The following NECAB1 variants were observed in gnomAD, a reference collection of about 807,000 sequenced individuals.
The protein encoded by NECAB1 is N-terminal EF-hand calcium-binding protein 1.
NECAB1 carries 29 observed loss-of-function variants against 57.5 expected under a neutral mutation model. The observed-to-expected ratio is 0.50, with a 90% confidence interval of 0.38 to 0.69. The LOEUF (loss-of-function observed/expected upper bound fraction) is 0.69. Ranked by LOEUF, NECAB1 falls within the 30% of genes least tolerant of loss-of-function variation. The pLI, the probability that NECAB1 is intolerant of heterozygous loss-of-function variation, is 0.00. For synonymous variants in NECAB1, 142 were observed against 147.7 expected, an observed-to-expected ratio of 0.96 and a Z score of 0.28; for missense variants, 372 against 413.8, an observed-to-expected ratio of 0.90 and a Z score of 0.88.
In NECAB1 at chr8:90,791,791, C is replaced by G; in HGVS notation, c.-96C>G. Reference sequence around the variant, plus strand: ...GCGAACACCCTCCCGGATCCAGAGCCCGGCGGCGGCGAAGCAGCAGCTGCG... The same window carrying G: ...GCGAACACCCTCCCGGATCCAGAGCGCGGCGGCGGCGAAGCAGCAGCTGCG... On this transcript the variant is annotated 5_prime_UTR_variant, in exon 1 of 13. Transcript: ENST00000417640. 2 of 959,842 alleles carry G rather than the reference C, an allele frequency of 2.1e-6. No individual in the cohort carries two copies. The highest frequency in any genetic ancestry group is 3.1e-6 in the Non-Finnish European group (2 of 637,956). 59.5% of individuals were successfully genotyped at this position (959,842 alleles called of 1,614,324 possible). A position where few individuals can be genotyped will look rare whatever the true frequency, so the allele number is the denominator to read the frequency against.
At chr8:90,879,438 C>G (rs994376016) in intron 4 of NECAB1, among the ~76,000 whole-genome samples, 20 of 152,106 alleles carry the variant, frequency 1.3e-4, no homozygotes, top group African/African-American at 4.6e-4. Context: ...CACGAGCCTC[C>G]ATGCCCAACC....
chr8:90,877,385 G>A (rs997885829), intron 4 of NECAB1, among the ~76,000 whole-genome samples: 3 of 151,988 alleles, frequency 2.0e-5, no homozygotes, highest in African/African-American at 7.3e-5. Context: ...TCCTTTCCAT[G>A]GCTTCCCATT....
chr8:90,908,193 TC>T (rs1279100126), intron 5 of NECAB1, among the ~76,000 whole-genome samples: 6 of 152,324 alleles, frequency 3.9e-5, no homozygotes, highest in Admixed American at 1.3e-4. Context: ...ATGAGTGTTA[TC>T]CTTTGAGTAT....
chr8:90,912,628 A>T (rs1256954087), intron 5 of NECAB1, among the ~76,000 whole-genome samples: 1 of 152,074 alleles, frequency 6.6e-6, no homozygotes, highest in African/African-American at 2.4e-5. Context: ...TGCAAAGACT[A>T]GCTGGAATTA....
At chr8:90,851,912 G>C (rs10956784) in intron 3 of NECAB1, among the ~76,000 whole-genome samples, 71,034 of 151,916 alleles carry the variant, frequency 0.47, 20,128 homozygotes, top group East Asian at 0.77. Context: ...CCCTAAGTTC[G>C]TCTGTGGTCC....
intron 3 of NECAB1, among the ~76,000 whole-genome samples, chr8:90,855,885 A>G (rs1206991576): frequency 1.3e-5 from 2 of 152,220 alleles, no homozygotes; most frequent in East Asian, 3.9e-4. Flanking sequence ...AGAAAGGCAC[A>G]TTGGTAGGGA....
At chr8:90,932,555 G>A (rs16906538) in intron 8 of NECAB1, among the ~76,000 whole-genome samples, 1,582 of 152,228 alleles carry the variant, frequency 0.01, 25 homozygotes, top group African/African-American at 0.035. Context: ...GGTGATATTC[G>A]AGTTGAGATG....
Position 90,872,128 on chromosome 8 carries a change from T to C in NECAB1, c.234T>C (p.Asn78=). 2 of 1,546,558 alleles carry C rather than the reference T, an allele frequency of 1.3e-6. No individual in the cohort carries two copies. The highest frequency in any genetic ancestry group is 1.2e-5 in the South Asian group (1 of 81,840). Residue 78 remains asparagine, a splice_region_variant and synonymous_variant, in exon 4 of 13, where the codon AAT becomes AAC. Coordinates refer to ENST00000417640, the MANE Select transcript of NECAB1 (RefSeq NM_022351.5). ...LFHTIDTHNT[N]NLDTEELCEY... is the part of the protein sequence containing the mutation. The stretch of plus-strand genomic sequence containing the variant: ...GTTTTTTTTTGTTTCATCTTTTCAG[T>C]AATCTTGACACAGAAGAGCTATGTG...
At chr8:90,934,250 G>A in intron 8 of NECAB1, 54 bp from the exon 9 acceptor site, 2 of 1,272,900 alleles carry the variant, frequency 1.6e-6, no homozygotes, top group Admixed American at 2.4e-5. Flanking sequence ...ATATGGCATT[G>A]TTTTAAATGA....
chr8:90,805,158 CTAATG>C (rs1413852723), intron 2 of NECAB1, among the ~76,000 whole-genome samples: 1 of 152,190 alleles, frequency 6.6e-6, no homozygotes, highest in Admixed American at 6.5e-5. Flanking sequence ...AGTGGATAAT[CTAATG>C]TAAATGAGAA....
At chr8:90,826,696 T>A (rs923231126) in intron 3 of NECAB1, among the ~76,000 whole-genome samples, 3 of 151,720 alleles carry the variant, frequency 2.0e-5, no homozygotes, top group East Asian at 3.9e-4. Context: ...ATTTTTAATA[T>A]GTTACATTTA....
At chr8:90,923,126 T>C (rs1810169113) in intron 6 of NECAB1, among the ~76,000 whole-genome samples, 1 of 152,138 alleles carries the variant, frequency 6.6e-6, no homozygotes, top group South Asian at 2.1e-4. Context: ...GGCTGTACCA[T>C]GTGGAACTGA....
At chr8:90,910,549 T>C (rs1809807287) in intron 5 of NECAB1, among the ~76,000 whole-genome samples, 1 of 152,156 alleles carries the variant, frequency 6.6e-6, no homozygotes, top group Non-Finnish European at 1.5e-5. Context: ...CCCAACTTTT[T>C]ATCTGAATCT....
intron 5 of NECAB1, among the ~76,000 whole-genome samples, chr8:90,882,427 A>G (rs78592855): frequency 0.018 from 2,669 of 149,916 alleles, 37 homozygotes; most frequent in Non-Finnish European, 0.024. Flanking sequence ...GAGAGAGAGA[A>G]AAAAAAAAAG....
At chr8:90,927,381 CA>C (rs1810300198) in intron 7 of NECAB1, among the ~76,000 whole-genome samples, 1 of 151,868 alleles carries the variant, frequency 6.6e-6, no homozygotes, top group Admixed American at 6.6e-5. Context: ...AAAGCTAACA[CA>C]AGGCTTTATA....
intron 2 of NECAB1, among the ~76,000 whole-genome samples, chr8:90,822,330 CT>C (rs1812156048): frequency 6.6e-6 from 1 of 151,814 alleles, no homozygotes; most frequent in Non-Finnish European, 1.5e-5. Context: ...AAATGTAATA[CT>C]TTTGTTTAAC....
At chr8:90,823,078 T>C (rs912448457) in intron 2 of NECAB1, among the ~76,000 whole-genome samples, 1 of 151,790 alleles carries the variant, frequency 6.6e-6, no homozygotes, top group African/African-American at 2.4e-5. Flanking sequence ...AACTACCTCA[T>C]TCAAAAACAG....
chr8:90,799,204 T>C (rs985780903), intron 1 of NECAB1, among the ~76,000 whole-genome samples: 1 of 152,210 alleles, frequency 6.6e-6, no homozygotes, highest in Non-Finnish European at 1.5e-5. Flanking sequence ...TAGTAATATG[T>C]TGAATACATA....
At chr8:90,798,276 C>G (rs1811696576) in intron 1 of NECAB1, among the ~76,000 whole-genome samples, 1 of 152,114 alleles carries the variant, frequency 6.6e-6, no homozygotes, top group Non-Finnish European at 1.5e-5. Context: ...ATCAGCAAAC[C>G]CTATTTCTTT....
Sources: gnomAD v4.1 joint callset for allele counts (sites outside exome capture counted in the v4.1 genomes callset) on GRCh38, gnomAD v4.1.1 for gene constraint, MANE v1.5 for transcripts, NCBI Gene and HGNC (gene_info 2026-07-23, HGNC 2026-07-21) for gene names.